The following DEPDC5 variants were observed in gnomAD, a reference collection of about 807,000 sequenced individuals.
DEPDC5 encodes the protein GATOR1 complex protein DEPDC5.
DEPDC5 carries 73 observed loss-of-function variants against 217.3 expected under a neutral mutation model. That is an observed-to-expected ratio of 0.34 (90% CI 0.28 to 0.41). The LOEUF (loss-of-function observed/expected upper bound fraction) is 0.41. DEPDC5 is among the 10% of genes least tolerant of loss of function. DEPDC5 has a pLI of 1.00. For missense variants in DEPDC5, 1,675 were observed against 2,070.1 expected (o/e 0.81, Z 3.70); for synonymous variants, 733 against 756.7 (o/e 0.97, Z 0.51).
At chr22:31,778,221 A>G in intron 8 of DEPDC5, 53 bp downstream of exon 8, 1 of 1,554,668 alleles carries the variant, frequency 6.4e-7, no homozygotes, top group Non-Finnish European at 8.9e-7. Context: ...TATTATGGCT[A>G]AGTCCTAAAA....
chr22:31,844,989 A>G, intron 29 of DEPDC5, 29 bp from the exon 30 acceptor site: 3 of 1,611,890 alleles, frequency 1.9e-6, no homozygotes, highest in Non-Finnish European at 8.5e-7. Flanking sequence ...TTCTCTCACC[A>G]CCACCCTGTG....
rs117542571 is a variant in DEPDC5 at position 31,836,012 on chromosome 22, G to A, written c.2171-960G>A. The stretch of plus-strand genomic sequence containing the variant: ...TAGAGACAAACGCTCAGAGTTTTTC[G>A]GCTTCGTATTGCTCCCTTCTTTGGA... On this transcript the variant is annotated intron_variant, in intron 25 of 42. Transcript: ENST00000651528. Among the ~76,000 whole-genome samples the A allele has an allele frequency of 4.9e-4, 75 of 152,288 alleles. No individual in the cohort carries two copies. The East Asian group carries it at 0.011, about 22-fold the overall frequency.
chr22:31,788,291 T>TTTG (rs1556582007), intron 10 of DEPDC5, among the ~76,000 whole-genome samples: 5 of 127,860 alleles, frequency 3.9e-5, no homozygotes, highest in East Asian at 2.1e-4. Context: ...TTTTTTTTTT[T>TTTG]GAGACAGAGT....
intron 21 of DEPDC5, chr22:31,817,576 C>G: frequency 3.9e-6 from 1 of 255,218 alleles, no homozygotes; most frequent in Non-Finnish European, 7.9e-6. Context: ...ACAGCCTCAA[C>G]CTCCTGGGCT....
chr22:31,791,544 T>G (rs1356842978), intron 10 of DEPDC5, among the ~76,000 whole-genome samples: 4 of 149,784 alleles, frequency 2.7e-5, no homozygotes, highest in Admixed American at 2.0e-4. Flanking sequence ...GCAGGAGAAT[T>G]GCTTGAACCT....
At chr22:31,770,817 A>T (rs1319210578) in intron 7 of DEPDC5, among the ~76,000 whole-genome samples, 1 of 146,110 alleles carries the variant, frequency 6.8e-6, no homozygotes, top group African/African-American at 2.5e-5. Context: ...TTTGAGACAA[A>T]GTCTCACTCT....
intron 7 of DEPDC5, among the ~76,000 whole-genome samples, chr22:31,775,356 T>A (rs542931533): frequency 1.3e-5 from 2 of 151,970 alleles, no homozygotes; most frequent in East Asian, 3.9e-4. Flanking sequence ...ATTTTTGTGT[T>A]TTTAGTAAAG....
chr22:31,810,464 C>A (rs2088148437), intron 19 of DEPDC5, 57 bp from the exon 20 acceptor site: 2 of 1,607,916 alleles, frequency 1.2e-6, no homozygotes, highest in East Asian at 4.5e-5. Flanking sequence ...TATTTCAGCT[C>A]TCAGGCATGT....
At chr22:31,879,812 G>A in intron 38 of DEPDC5, 60 bp downstream of exon 38, 2 of 1,496,796 alleles carry the variant, frequency 1.3e-6, no homozygotes, top group Non-Finnish European at 1.8e-6. Context: ...CGGGAAAGTA[G>A]TGGCCAGCCA....
intron 20 of DEPDC5, among the ~76,000 whole-genome samples, chr22:31,811,636 G>A (rs1254008868): frequency 1.3e-5 from 2 of 150,416 alleles, no homozygotes; most frequent in South Asian, 4.2e-4. Context: ...TGTAACCTCT[G>A]CCTCCTGGGC....
At chr22:31,760,775 A>AT in intron 4 of DEPDC5, 73 bp downstream of exon 4, 1 of 1,255,334 alleles carries the variant, frequency 8.0e-7, no homozygotes, top group Admixed American at 2.3e-5. Context: ...TCTCTTCATA[A>AT]TTTCAAGGGA....
intron 7 of DEPDC5, among the ~76,000 whole-genome samples, chr22:31,777,717 A>AC (rs1217169660): frequency 6.6e-6 from 1 of 152,050 alleles, no homozygotes; most frequent in African/African-American, 2.4e-5. Flanking sequence ...TAGCAGAGCC[A>AC]CCTGAAGTTG....
chr22:31,759,655 A>T (rs1458840392), intron 3 of DEPDC5, among the ~76,000 whole-genome samples: 2 of 136,426 alleles, frequency 1.5e-5, no homozygotes, highest in Non-Finnish European at 3.1e-5. Context: ...TACAGGCATG[A>T]GCTACCTTGC....
intron 4 of DEPDC5, among the ~76,000 whole-genome samples, chr22:31,762,785 T>C (rs1488534876): frequency 6.6e-6 from 1 of 151,698 alleles, no homozygotes; most frequent in Non-Finnish European, 1.5e-5. Flanking sequence ...ATAAATAAAA[T>C]AAAGGGCTTT....
intron 2 of DEPDC5, chr22:31,755,289 A>G (rs1389533921): frequency 2.5e-6 from 1 of 393,622 alleles, no homozygotes; most frequent in East Asian, 4.8e-5. Context: ...TTTGGCAGAT[A>G]AGAGAAACTA....
intron 25 of DEPDC5, among the ~76,000 whole-genome samples, chr22:31,835,727 A>G (rs1413734096): frequency 6.6e-6 from 1 of 152,242 alleles, no homozygotes. Context: ...GAGATGATTA[A>G]TTAGGCTATT....
rs146538033 is a variant in DEPDC5 at position 31,811,333 on chromosome 22, G to A, written c.1445+692G>A. Among the ~76,000 whole-genome samples, 1,390 of 151,796 alleles carry A rather than the reference G, an allele frequency of 9.2e-3. 26 individuals carry two copies. Among genetic ancestry groups the A allele is most frequent in the African/African-American group, 0.03 (1,258 of 41,440 alleles). On this transcript the variant is annotated intron_variant, in intron 20 of 42. Coordinates refer to ENST00000651528, the MANE Select transcript of DEPDC5 (RefSeq NM_001242896.3). ...GATCCTCCTGCCTCGGCCTCCCTAA[G>A]TGCTGGGATTACAGGTGTGAGCCAC...
intron 3 of DEPDC5, among the ~76,000 whole-genome samples, chr22:31,759,539 A>C (rs1359309589): frequency 1.3e-5 from 2 of 149,614 alleles, no homozygotes; most frequent in African/African-American, 4.9e-5. Context: ...ATGCTTGGCT[A>C]ATTTTTGTAT....
intron 38 of DEPDC5, among the ~76,000 whole-genome samples, chr22:31,884,531 C>G (rs1446700111): frequency 1.3e-5 from 2 of 152,190 alleles, no homozygotes; most frequent in African/African-American, 4.8e-5. Context: ...AAACCCTTAC[C>G]TTGCTTGGCT....
Sources: gnomAD v4.1 joint callset for allele counts (sites outside exome capture counted in the v4.1 genomes callset) on GRCh38, gnomAD v4.1.1 for gene constraint, MANE v1.5 for transcripts, NCBI Gene and HGNC (gene_info 2026-07-23, HGNC 2026-07-21) for gene names.